PRAME: variants seen among roughly 807,000 people sequenced by gnomAD.
The protein encoded by PRAME is melanoma antigen preferentially expressed in tumors.
In PRAME, 21 loss-of-function variants were observed where a neutral mutation model predicts 32.1. That is an observed-to-expected ratio of 0.65 (90% CI 0.46 to 0.94). PRAME has a LOEUF of 0.94. PRAME is among the 40% of genes least tolerant of loss of function. The pLI is 0.00. For synonymous variants in PRAME, 274 were observed against 251.5 expected (o/e 1.09, Z -0.85); for missense variants, 651 against 622.3 (o/e 1.05, Z -0.49).
chr22:22,555,733 C>G, intron 3 of PRAME: 4 of 402,564 alleles, frequency 9.9e-6, no homozygotes, highest in South Asian at 5.5e-5. Flanking sequence ...GCACAAGTCT[C>G]CCGGCTTCAA....
Position 22,550,737 on chromosome 22 carries a change from C to G in PRAME, c.344+30G>C, listed in dbSNP as rs750580449. The G allele has an allele frequency of 1.2e-5, 19 of 1,545,984 alleles. No individual in the cohort carries two copies. The African/African-American group carries it at 2.3e-4, about 19-fold the overall frequency. On this transcript the variant is annotated intron_variant, in intron 4 of 5. Coordinates refer to ENST00000405655, the MANE Select transcript of PRAME (RefSeq NM_206956.3). ...CTGCATCCTGCTCAGGTTCCCAGGG[C>G]CCCACACCAAGCTGCTAGGTCACCC...
chr22:22,550,248 T>C lies in PRAME; in HGVS notation c.431A>G (p.Tyr144Cys). Residue 144 changes from tyrosine to cysteine, a missense_variant, in exon 5 of 6, where the codon TAC becomes TGC. Tyr to Cys is a radical substitution (Grantham distance 194). Transcript: ENST00000405655. Reference protein sequence around the residue: ...TVWSGNRASLYSFPEPEAAQP... With the variant: ...TVWSGNRASLCSFPEPEAAQP... ...AGCTGCTTCTGGCTCTGGAAATGAGTACAGACTGGCCCTGTTTCCAGACCA... is the reference window on the plus strand; with the variant it reads ...AGCTGCTTCTGGCTCTGGAAATGAGCACAGACTGGCCCTGTTTCCAGACCA... 6 of 1,613,752 alleles carry C rather than the reference T, an allele frequency of 3.7e-6. No individual in the cohort carries two copies. The South Asian group carries it at 6.6e-5, about 18-fold the overall frequency.
intron 3 of PRAME, 49 bp from the exon 4 acceptor site, chr22:22,551,138 G>A (rs1055536484): frequency 1.5e-5 from 22 of 1,487,588 alleles, no homozygotes; most frequent in Non-Finnish European, 1.8e-5. Context: ...CCAAGCATAA[G>A]CAACTCTATC....
chr22:22,552,298 G>A (rs1381644430), intron 3 of PRAME, among the ~76,000 whole-genome samples: 1 of 149,410 alleles, frequency 6.7e-6, no homozygotes. Context: ...AGCCTAACTA[G>A]TAAATCACTG....
chr22:22,551,227 C>T, intron 3 of PRAME, 138 bp from the exon 4 acceptor site: 2 of 735,092 alleles, frequency 2.7e-6, no homozygotes, highest in South Asian at 3.9e-5. Context: ...TCAGTTTACC[C>T]CGATTCCACT....
chr22:22,556,761 G>A, intron 3 of PRAME, 51 bp downstream of exon 3: 2 of 1,608,062 alleles, frequency 1.2e-6, no homozygotes, highest in Non-Finnish European at 1.7e-6. Flanking sequence ...CAAGGACAGA[G>A]GGGAACAGGG....
At chr22:22,549,086 G>A (rs1254009045) in intron 5 of PRAME, among the ~76,000 whole-genome samples, 1 of 151,924 alleles carries the variant, frequency 6.6e-6, no homozygotes, top group East Asian at 2.0e-4. Context: ...CTACTAGGGA[G>A]TATTCACAGT....
At chr22:22,557,637 C>CG (rs1366288431) in intron 1 of PRAME, 57 bp from the exon 2 acceptor site, 4,660 of 58,786 alleles carry the variant, frequency 0.079, 379 homozygotes, top group African/African-American at 0.25. Flanking sequence ...CTGCGTGGGG[C>CG]GGGGGGGGCG....
rs1354905150 is a variant in PRAME, at chr22:22,553,247, CTAACA to C, written c.22-2163_22-2159del. Among the ~76,000 whole-genome samples, 7 of 151,946 alleles carry C rather than the reference CTAACA, an allele frequency of 4.6e-5. 1 individual carries two copies. Among genetic ancestry groups the C allele is most frequent in the African/African-American group, 1.7e-4 (7 of 41,374 alleles). Reference sequence around the variant, plus strand: ...AATTGTCACTTATACCCCATGTTCCCTAACACAGCAAATCACATGCCTATCCAAGG... The same window carrying C: ...AATTGTCACTTATACCCCATGTTCCCCAGCAAATCACATGCCTATCCAAGG... On this transcript the variant is annotated intron_variant, in intron 3 of 5. Coordinates refer to ENST00000405655, the MANE Select transcript of PRAME (RefSeq NM_206956.3).
In PRAME at chr22:22,547,866, T is replaced by A; in HGVS notation, c.*201A>T. 4 of 611,600 alleles carry A rather than the reference T, an allele frequency of 6.5e-6. No homozygotes were observed. Among genetic ancestry groups the A allele is most frequent in the Non-Finnish European group, 1.1e-5 (4 of 349,888 alleles). The allele number at this position is 611,600 out of a possible 1,614,324, so 37.9% of individuals were successfully genotyped here. On this transcript the variant is annotated 3_prime_UTR_variant, in exon 6 of 6. Coordinates refer to ENST00000405655, the MANE Select transcript of PRAME (RefSeq NM_206956.3). ...CCAAAGATCACATTAACTCCTCAAG[T>A]CAACATCTGCCTACCCCCAACTTCC...
chr22:22,548,402 G>C lies in PRAME; in HGVS notation c.1195C>G (p.Leu399Val), dbSNP rs1196319786. The C allele has an allele frequency of 6.2e-7, 1 of 1,613,488 alleles. No individual in the cohort carries two copies. Among genetic ancestry groups the C allele is most frequent in the Non-Finnish European group, 8.5e-7 (1 of 1,179,926 alleles). Reference protein sequence around the residue: ...GITDDQLLALLPSLSHCSQLT... With the variant: ...GITDDQLLALVPSLSHCSQLT... The stretch of plus-strand genomic sequence containing the variant: ...TGGGAGCAGTGGCTCAGGGAAGGCA[G>C]GAGGGCAAGGAGCTGATCATCCGTG... Residue 399 changes from leucine (L) to valine (V), a missense_variant, in exon 6 of 6, where the codon CTG becomes GTG. Coordinates refer to ENST00000405655, the MANE Select transcript of PRAME (RefSeq NM_206956.3).
intron 3 of PRAME, among the ~76,000 whole-genome samples, chr22:22,552,499 G>T (rs2146996072): frequency 6.6e-6 from 1 of 150,754 alleles, no homozygotes; most frequent in African/African-American, 2.4e-5. Context: ...AATAATAAAT[G>T]TTCCAGGTAA....
chr22:22,559,230 C>G lies in PRAME; in HGVS notation c.-373G>C, dbSNP rs187578702. 952 of 309,098 alleles carry G rather than the reference C, an allele frequency of 3.1e-3. 5 individuals are homozygous for G. The highest frequency in any genetic ancestry group is 4.3e-3 in the Non-Finnish European group (684 of 158,336). The allele number at this position is 309,098 out of a possible 1,614,324, so 19.1% of individuals were successfully genotyped here. A position where few individuals can be genotyped will look rare whatever the true frequency, so the allele number is the denominator to read the frequency against. On this transcript the variant is annotated 5_prime_UTR_variant, in exon 1 of 6. Transcript: ENST00000405655. ...GGGGTGTCCCGGAGCGGTGCTGAGG[C>G]GCTGCAGGCCCGGCTTCTGGCTGCG... is the stretch of plus-strand genomic sequence containing the variant.
intron 3 of PRAME, among the ~76,000 whole-genome samples, chr22:22,556,334 C>T (rs568996634): frequency 1.3e-5 from 2 of 151,114 alleles, no homozygotes; most frequent in South Asian, 2.1e-4. Flanking sequence ...TTTTTGGAGA[C>T]GGAGTCTCGC....
At chr22:22,555,675 C>T (rs953802286) in intron 3 of PRAME, among the ~76,000 whole-genome samples, 3 of 151,910 alleles carry the variant, frequency 2.0e-5, no homozygotes, top group African/African-American at 2.4e-5. Context: ...CACCCGAGCA[C>T]GGTCCCACAG....
chr22:22,552,073 A>C (rs1321562974), intron 3 of PRAME, among the ~76,000 whole-genome samples: 2 of 150,948 alleles, frequency 1.3e-5, no homozygotes, highest in Non-Finnish European at 2.9e-5. Flanking sequence ...GTTTGAGCCC[A>C]GGAGTTCAAG....
chr22:22,554,909 G>A (rs1010760669), intron 3 of PRAME, among the ~76,000 whole-genome samples: 2 of 151,938 alleles, frequency 1.3e-5, no homozygotes, highest in Non-Finnish European at 2.9e-5. Context: ...TCAAGTGTGA[G>A]TTGTGTAATC....
intron 2 of PRAME, 46 bp from the exon 3 acceptor site, chr22:22,556,955 A>T (rs2062965464): frequency 2.4e-6 from 3 of 1,256,898 alleles, no homozygotes; most frequent in African/African-American, 3.0e-5. Flanking sequence ...ATACATGTAT[A>T]ATATTTACGA....
At chr22:22,555,381 C>T (rs2062844620) in intron 3 of PRAME, among the ~76,000 whole-genome samples, 1 of 151,776 alleles carries the variant, frequency 6.6e-6, no homozygotes. Context: ...GGATTACAAG[C>T]ACACGCCCCC....
Sources: allele counts gnomAD v4.1 joint callset (sites outside exome capture counted in the v4.1 genomes callset), GRCh38; gene constraint gnomAD v4.1.1; transcripts MANE v1.5; gene names NCBI Gene and HGNC (gene_info 2026-07-23, HGNC 2026-07-21).